The following CAP2 variants were observed in gnomAD, a reference collection of about 807,000 sequenced individuals.
The protein encoded by CAP2 is cyclase associated actin cytoskeleton regulatory protein 2.
In CAP2, 24 loss-of-function variants were observed where a neutral mutation model predicts 57.7. The ratio of observed to expected loss-of-function variants is 0.42; its 90% CI spans 0.30 to 0.58. The LOEUF (loss-of-function observed/expected upper bound fraction) is 0.58, where lower values mean the gene tolerates loss of function less well. Among genes scored for constraint, CAP2 ranks in the 20% least tolerant of loss-of-function variants. The pLI, the probability that CAP2 is intolerant of heterozygous loss-of-function variation, is 0.22. For synonymous variants in CAP2, 194 were observed against 207.2 expected, an observed-to-expected ratio of 0.94 and a Z score of 0.55; for missense variants, 501 against 590.3, an observed-to-expected ratio of 0.85 and a Z score of 1.57.
intron 4 of CAP2, among the ~76,000 whole-genome samples, chr6:17,481,276 T>C (rs1286823077): frequency 6.6e-6 from 1 of 152,224 alleles, no homozygotes; most frequent in Admixed American, 6.5e-5. Flanking sequence ...TTAATTTCTG[T>C]GGTTTTTATG....
At chr6:17,555,101 T>A (rs577845272) in intron 12 of CAP2, among the ~76,000 whole-genome samples, 143 of 152,332 alleles carry the variant, frequency 9.4e-4, no homozygotes, top group Non-Finnish European at 1.8e-3. Flanking sequence ...AGCATTGGCA[T>A]CACCTGGGAG....
intron 7 of CAP2, among the ~76,000 whole-genome samples, chr6:17,533,485 C>A (rs542663677): frequency 6.6e-6 from 1 of 151,880 alleles, no homozygotes; most frequent in African/African-American, 2.4e-5. Context: ...CAGCATTTTT[C>A]GGCGTTGTGC....
intron 3 of CAP2, among the ~76,000 whole-genome samples, chr6:17,438,745 T>G (rs28871300): frequency 0.58 from 83,802 of 145,674 alleles, 24,575 homozygotes; most frequent in East Asian, 0.86. Context: ...GGCCCAGAAG[T>G]TTTTTTATGT....
intron 4 of CAP2, among the ~76,000 whole-genome samples, chr6:17,473,650 G>C (rs1761078255): frequency 6.6e-6 from 1 of 152,204 alleles, no homozygotes; most frequent in Admixed American, 6.5e-5. Context: ...CTGTATATGT[G>C]AAAATTGAAG....
At chr6:17,491,031 C>T (rs1044356827) in intron 4 of CAP2, among the ~76,000 whole-genome samples, 2 of 152,196 alleles carry the variant, frequency 1.3e-5, no homozygotes, top group African/African-American at 2.4e-5. Flanking sequence ...ATCTGTTTCT[C>T]TTTCATTCTT....
chr6:17,449,703 C>A (rs1315073882), intron 3 of CAP2, among the ~76,000 whole-genome samples: 2 of 152,150 alleles, frequency 1.3e-5, no homozygotes, highest in African/African-American at 4.8e-5. Context: ...GCCACCATGC[C>A]CGGCCAATTA....
At chr6:17,406,383 A>C (rs920856115) in intron 1 of CAP2, among the ~76,000 whole-genome samples, 31 of 115,066 alleles carry the variant, frequency 2.7e-4, no homozygotes, top group African/African-American at 1.3e-3. Flanking sequence ...CTTTTCTGTC[A>C]GTAAGCCCAG....
intron 7 of CAP2, among the ~76,000 whole-genome samples, chr6:17,519,686 T>C (rs1171679337): frequency 2.6e-5 from 4 of 152,178 alleles, no homozygotes; most frequent in Admixed American, 2.0e-4. Context: ...AGCTGTAATA[T>C]TCCTTGGCAT....
At chr6:17,478,297 C>CCT (rs1761205069) in intron 4 of CAP2, among the ~76,000 whole-genome samples, 1 of 120,418 alleles carries the variant, frequency 8.3e-6, no homozygotes, top group African/African-American at 3.5e-5. Context: ...ACTACACCTA[C>CCT]TTTTTTTTTT....
rs117880341 is a variant in CAP2, at chr6:17,525,410, G to A, written c.636+11456G>A. 5.6e-4 allele frequency among the ~76,000 whole-genome samples: 84 copies of A among 150,988 alleles called. 5 individuals are homozygous for A. The East Asian group carries it at 0.014, about 25-fold the overall frequency. On this transcript the variant is annotated intron_variant, in intron 7 of 12. Coordinates refer to ENST00000229922, the MANE Select transcript of CAP2 (RefSeq NM_006366.3). ...CTGTGAGGCGGAGGCTGCAGTGAGC[G>A]TAGATCACACACTGCACTCCTGCAC...
At chr6:17,422,922 A>G (rs1759485493) in intron 2 of CAP2, among the ~76,000 whole-genome samples, 1 of 152,212 alleles carries the variant, frequency 6.6e-6, no homozygotes, top group South Asian at 2.1e-4. Context: ...TGGGGGGTAT[A>G]AGGATGTCCC....
chr6:17,500,809 T>C (rs1423295195), intron 4 of CAP2, among the ~76,000 whole-genome samples: 1 of 152,224 alleles, frequency 6.6e-6, no homozygotes, highest in Non-Finnish European at 1.5e-5. Context: ...GTTGACACTT[T>C]TTGATGTATA....
chr6:17,507,147 C>T (rs775904627), intron 4 of CAP2, 22 bp from the exon 5 acceptor site: 1 of 1,614,074 alleles, frequency 6.2e-7, no homozygotes, highest in Non-Finnish European at 8.5e-7. Flanking sequence ...AGTAAAAGCC[C>T]CCGATGTTTG....
rs571318175 is a variant in CAP2, at chr6:17,461,188, C to CA, written c.223-1797dup. Among the ~76,000 whole-genome samples, 701 of 142,200 alleles carry CA rather than the reference C, an allele frequency of 4.9e-3. 9 individuals carry two copies. The highest frequency in any genetic ancestry group is 0.031 in the East Asian group (149 of 4,814). The allele number at this position is 142,200 out of a possible 152,430, so 93.3% of individuals were successfully genotyped here. Reference sequence around the variant, plus strand: ...AAAAAAAGAAAAACAAACAAAACAACAAAAAAAAAAACCCTGTAATCTTTG... The same window carrying CA: ...AAAAAAAGAAAAACAAACAAAACAACAAAAAAAAAAAACCCTGTAATCTTTG... On this transcript the variant is annotated intron_variant, in intron 3 of 12. Transcript: ENST00000229922.
chr6:17,406,479 C>T (rs60933992), intron 1 of CAP2, among the ~76,000 whole-genome samples: 6,328 of 149,664 alleles, frequency 0.042, 434 homozygotes, highest in African/African-American at 0.15. Flanking sequence ...CTGCAACCTC[C>T]GCCTCCTGGA....
At chr6:17,396,016 G>C (rs1266754598) in intron 1 of CAP2, among the ~76,000 whole-genome samples, 5 of 152,112 alleles carry the variant, frequency 3.3e-5, no homozygotes, top group African/African-American at 7.2e-5. Flanking sequence ...TATCTCCAAA[G>C]AAGATATACA....
chr6:17,547,840 CAA>C (rs35831731), intron 11 of CAP2, among the ~76,000 whole-genome samples: 8 of 112,796 alleles, frequency 7.1e-5, no homozygotes, highest in Admixed American at 1.8e-4. Context: ...GACTCTGTCT[CAA>C]AAAAAAAAAA....
chr6:17,500,485 C>T (rs1367347187), intron 4 of CAP2, among the ~76,000 whole-genome samples: 1 of 150,046 alleles, frequency 6.7e-6, no homozygotes, highest in Non-Finnish European at 1.5e-5. Context: ...TCTCCTGCCT[C>T]AGCCTCCCGA....
intron 4 of CAP2, among the ~76,000 whole-genome samples, chr6:17,506,645 A>G (rs1395477657): frequency 6.6e-6 from 1 of 152,240 alleles, no homozygotes; most frequent in African/African-American, 2.4e-5. Context: ...CTCAAAAAAA[A>G]AAAAGGGTTG....
Sources: allele counts gnomAD v4.1 joint callset (sites outside exome capture counted in the v4.1 genomes callset), GRCh38; gene constraint gnomAD v4.1.1; transcripts MANE v1.5; gene names NCBI Gene and HGNC (gene_info 2026-07-23, HGNC 2026-07-21).